HMBOX1: variants seen among roughly 807,000 people sequenced by gnomAD.
The protein encoded by HMBOX1 is homeobox-containing protein 1.
A neutral mutation model predicts 54.5 loss-of-function variants in HMBOX1; 14 were observed. The observed-to-expected ratio is 0.26, with a 90% confidence interval of 0.17 to 0.40. The LOEUF is 0.40. Ranked by LOEUF, HMBOX1 falls within the 10% of genes least tolerant of loss-of-function variation. The pLI is 1.00. For missense variants in HMBOX1, 332 were observed against 514.4 expected, an observed-to-expected ratio of 0.65 and a Z score of 3.43; for synonymous variants, 160 against 181.0, an observed-to-expected ratio of 0.88 and a Z score of 0.93.
chr8:29,018,953 A>G, intron 6 of HMBOX1, 40 bp downstream of exon 6: 1 of 1,598,660 alleles, frequency 6.3e-7, no homozygotes, highest in Non-Finnish European at 8.6e-7. Context: ...TCCCAAACTT[A>G]GGGAAGACAT....
chr8:28,919,392 T>C (rs7843057), intron 1 of HMBOX1, among the ~76,000 whole-genome samples: 133,963 of 152,222 alleles, frequency 0.88, 59,000 homozygotes, highest in East Asian at 0.95. Context: ...TAATTTTGAC[T>C]GCATAAAATG....
At chr8:28,964,468 C>T (rs973196763) in intron 2 of HMBOX1, among the ~76,000 whole-genome samples, 4 of 151,682 alleles carry the variant, frequency 2.6e-5, no homozygotes, top group Non-Finnish European at 5.9e-5. Flanking sequence ...CTATAACCAC[C>T]AGTTCATATT....
chr8:28,977,324 GAATA>G (rs1828569883), intron 3 of HMBOX1, among the ~76,000 whole-genome samples: 1 of 152,090 alleles, frequency 6.6e-6, no homozygotes, highest in Non-Finnish European at 1.5e-5. Flanking sequence ...TATTTAACCT[GAATA>G]AATATTCTCT....
chr8:29,049,190 G>A (rs1464828511), intron 9 of HMBOX1, 142 bp downstream of exon 9: 26 of 1,499,990 alleles, frequency 1.7e-5, no homozygotes, highest in Non-Finnish European at 1.8e-6. Context: ...TGTCTAGTTA[G>A]ATTTCATGTA....
chr8:28,965,325 A>G (rs1288855975), intron 2 of HMBOX1, among the ~76,000 whole-genome samples: 1 of 152,244 alleles, frequency 6.6e-6, no homozygotes, highest in Non-Finnish European at 1.5e-5. Flanking sequence ...TATGGTAGAA[A>G]TAAGATGATC....
At chr8:28,963,984 GT>G in intron 2 of HMBOX1, 94 bp downstream of exon 2, 2 of 954,212 alleles carry the variant, frequency 2.1e-6, no homozygotes, top group Admixed American at 4.4e-5. Flanking sequence ...GACAACAGAC[GT>G]TTGTAGAGTT....
chr8:28,990,341 T>C (rs536993837), intron 4 of HMBOX1, among the ~76,000 whole-genome samples: 1 of 152,324 alleles, frequency 6.6e-6, no homozygotes, highest in East Asian at 1.9e-4. Context: ...TTTACCAGGA[T>C]TCCTTTCAAG....
At chr8:29,050,348 T>C (rs565002973) in intron 9 of HMBOX1, 4 of 430,662 alleles carry the variant, frequency 9.3e-6, no homozygotes, top group South Asian at 9.8e-5. Flanking sequence ...GTTTAACACA[T>C]TGAGCTGCGC....
At chr8:28,898,685 GTC>G (rs1256893556) in intron 1 of HMBOX1, among the ~76,000 whole-genome samples, 1 of 152,012 alleles carries the variant, frequency 6.6e-6, no homozygotes, top group Non-Finnish European at 1.5e-5. Flanking sequence ...GTTTTTCATA[GTC>G]TCTGCTTCTC....
At chr8:29,024,066 TC>T (rs773462809) in intron 6 of HMBOX1, among the ~76,000 whole-genome samples, 1 of 152,256 alleles carries the variant, frequency 6.6e-6, no homozygotes, top group Non-Finnish European at 1.5e-5. Context: ...TGTACATTAA[TC>T]AGCTGGAATT....
chr8:28,926,304 T>TACAC (rs10699056), intron 1 of HMBOX1, among the ~76,000 whole-genome samples: 4,299 of 142,156 alleles, frequency 0.03, 64 homozygotes, highest in Non-Finnish European at 0.038. Flanking sequence ...TATATATATA[T>TACAC]ACACACACAC....
At chr8:29,023,781 C>T (rs760692902) in intron 6 of HMBOX1, among the ~76,000 whole-genome samples, 4 of 152,108 alleles carry the variant, frequency 2.6e-5, no homozygotes, top group Non-Finnish European at 4.4e-5. Flanking sequence ...CCCTATTAAC[C>T]ATCTACCTAA....
At chr8:28,919,578 G>A (rs1563387374) in intron 1 of HMBOX1, among the ~76,000 whole-genome samples, 1 of 152,098 alleles carries the variant, frequency 6.6e-6, no homozygotes, top group Non-Finnish European at 1.5e-5. Flanking sequence ...TTTATTAGCT[G>A]CAGATTTCCA....
intron 3 of HMBOX1, among the ~76,000 whole-genome samples, chr8:28,973,483 A>G (rs1489421488): frequency 1.3e-5 from 2 of 152,096 alleles, no homozygotes; most frequent in African/African-American, 4.8e-5. Context: ...ACAATCACTT[A>G]CCACATGAAT....
At chr8:28,995,319 T>G (rs1831648346) in intron 4 of HMBOX1, among the ~76,000 whole-genome samples, 1 of 152,206 alleles carries the variant, frequency 6.6e-6, no homozygotes, top group Non-Finnish European at 1.5e-5. Flanking sequence ...GTTTTTAAGA[T>G]TCACCCATGT....
At chr8:29,040,262 G>C (rs1045835688) in intron 6 of HMBOX1, among the ~76,000 whole-genome samples, 1 of 151,976 alleles carries the variant, frequency 6.6e-6, no homozygotes, top group Non-Finnish European at 1.5e-5. Context: ...CCCATATTTT[G>C]AAATTACTCA....
intron 1 of HMBOX1, among the ~76,000 whole-genome samples, chr8:28,910,273 C>T (rs186513471): frequency 1.8e-4 from 27 of 152,252 alleles, no homozygotes; most frequent in African/African-American, 5.8e-4. Flanking sequence ...TGCTGAATAG[C>T]ATTCAGTTGT....
chr8:29,033,502 C>T (rs1484374866), intron 6 of HMBOX1, among the ~76,000 whole-genome samples: 1 of 152,196 alleles, frequency 6.6e-6, no homozygotes, highest in East Asian at 1.9e-4. Context: ...ATCCATTTCT[C>T]ATAGCCAGTA....
chr8:29,021,898 A>C (rs1333787881), intron 6 of HMBOX1, among the ~76,000 whole-genome samples: 1 of 152,026 alleles, frequency 6.6e-6, no homozygotes, highest in East Asian at 1.9e-4. Flanking sequence ...ATTGATAGTA[A>C]GAGAAATTCA....
Sources: allele counts gnomAD v4.1 joint callset (sites outside exome capture counted in the v4.1 genomes callset), GRCh38; gene constraint gnomAD v4.1.1; transcripts MANE v1.5; gene names NCBI Gene and HGNC (gene_info 2026-07-23, HGNC 2026-07-21).